Variants in AHCTF1 observed in about 807,000 individuals in gnomAD.
The protein encoded by AHCTF1 is protein ELYS.
In AHCTF1, 24 loss-of-function variants were observed where a neutral mutation model predicts 248.4. The ratio of observed to expected loss-of-function variants is 0.10; its 90% CI spans 0.07 to 0.14. The LOEUF (loss-of-function observed/expected upper bound fraction) is 0.14. Ranked by LOEUF, AHCTF1 falls within the 10% of genes least tolerant of loss-of-function variation. The pLI, the probability that AHCTF1 is intolerant of heterozygous loss-of-function variation, is 1.00. For synonymous variants in AHCTF1, 786 were observed against 929.8 expected, an observed-to-expected ratio of 0.85 and a Z score of 2.81; for missense variants, 2,206 against 2,636.2, an observed-to-expected ratio of 0.84 and a Z score of 3.57.
chr1:246,869,499 C>T (rs1208154792), intron 24 of AHCTF1, among the ~76,000 whole-genome samples: 2 of 152,258 alleles, frequency 1.3e-5, no homozygotes, highest in East Asian at 1.9e-4. Context: ...CAATGCCTGG[C>T]TTCAAAGGAC....
At chr1:246,909,390 C>A (rs1220065641) in intron 4 of AHCTF1, among the ~76,000 whole-genome samples, 1 of 99,924 alleles carries the variant, frequency 1.0e-5, no homozygotes, top group Non-Finnish European at 1.8e-5. Flanking sequence ...GCACTCCAGC[C>A]TCTCAAAAAA....
rs1350334323 is a variant in AHCTF1, at chr1:246,899,509, G to A, written c.1436C>T (p.Ala479Val). ...FFNPSTYNFD[A>V]TCLLNSGVVH... ...AACTCCCGAGTTTAACAAACAAGTG[G>A]CATCTAAAAAAAAGATTTAAAAAAT... Residue 479 changes from alanine (A) to valine (V), a missense_variant, in exon 11 of 36, where the codon GCC (alanine) becomes GTC (valine). Transcript: ENST00000648844. 6.2e-7 allele frequency: 1 copy of A among 1,604,160 alleles called. No homozygotes were observed. Among genetic ancestry groups the A allele is most frequent in the South Asian group, 1.1e-5 (1 of 89,122 alleles).
intron 1 of AHCTF1, among the ~76,000 whole-genome samples, chr1:246,924,995 A>C (rs963491741): frequency 6.6e-6 from 1 of 152,212 alleles, no homozygotes; most frequent in African/African-American, 2.4e-5. Flanking sequence ...GTAGCTTAGT[A>C]CCAAAAAAAT....
chr1:246,902,666 A>G lies in AHCTF1; in HGVS notation c.976T>C (p.Tyr326His). The change falls in exon 8 of 36, where the codon TAC becomes CAC. Residue 326 changes from tyrosine to histidine, a missense_variant. Physicochemically the swap from Tyr to His is moderately conservative, Grantham distance 83. This residue lies in a region of AHCTF1 where 650 missense variants were observed against 870.8 expected (regional missense o/e 0.75). Transcript: ENST00000648844. Reference sequence around the variant, plus strand: ...TCCAGGGTGTATCTTTCTTCACAGTATTCTAACCCCTGTAACATAAAATAC... The same window carrying G: ...TCCAGGGTGTATCTTTCTTCACAGTGTTCTAACCCCTGTAACATAAAATAC... ...SGQILYEGLEYCEERYTLDLT... is the reference protein window; with the variant it reads ...SGQILYEGLEHCEERYTLDLT... 1 of 1,606,546 alleles carries G rather than the reference A, an allele frequency of 6.2e-7. No individual in the cohort carries two copies. Among genetic ancestry groups the G allele is most frequent in the Non-Finnish European group, 8.5e-7 (1 of 1,176,056 alleles).
At chr1:246,879,713 A>C (rs1191863741) in intron 21 of AHCTF1, among the ~76,000 whole-genome samples, 1 of 152,098 alleles carries the variant, frequency 6.6e-6, no homozygotes, top group Admixed American at 6.6e-5. Flanking sequence ...CTGTAATCCC[A>C]GCTACTTGCG....
intron 1 of AHCTF1, among the ~76,000 whole-genome samples, chr1:246,919,058 C>T (rs1451314219): frequency 1.3e-5 from 2 of 151,984 alleles, no homozygotes; most frequent in African/African-American, 4.8e-5. Context: ...GATCAGATTC[C>T]CAGAATGACT....
chr1:246,928,768 A>T (rs147935233), intron 1 of AHCTF1, among the ~76,000 whole-genome samples: 17 of 152,366 alleles, frequency 1.1e-4, no homozygotes, highest in Admixed American at 2.0e-4. Context: ...ACATTTCTAT[A>T]AACCACTTTG....
chr1:246,888,293 C>T lies in AHCTF1; in HGVS notation c.2269-60G>A, dbSNP rs190717664. 1,865 of 1,611,920 alleles carry T rather than the reference C, an allele frequency of 1.2e-3. 31 individuals are homozygous for T. The Admixed American group carries it at 0.024, about 21-fold the overall frequency. On this transcript the variant is annotated intron_variant, in intron 18 of 35. Transcript: ENST00000648844. ...TTATACAGTCATTCATTCATTCATGCTTCTTGTTTTCCCAAGTTTGTGCCA... is the reference window on the plus strand; with the variant it reads ...TTATACAGTCATTCATTCATTCATGTTTCTTGTTTTCCCAAGTTTGTGCCA...
chr1:246,888,112 C>G, intron 19 of AHCTF1, 65 bp downstream of exon 19: 1 of 1,551,070 alleles, frequency 6.4e-7, no homozygotes, highest in Non-Finnish European at 8.8e-7. Flanking sequence ...GTCAGGTTTC[C>G]ACTACTCTTG....
intron 8 of AHCTF1, among the ~76,000 whole-genome samples, chr1:246,900,777 AAC>A (rs1442414412): frequency 6.6e-6 from 1 of 152,264 alleles, no homozygotes; most frequent in African/African-American, 2.4e-5. Flanking sequence ...GATTTGAATG[AAC>A]AGTCTCTCTC....
chr1:246,887,114 G>C, intron 20 of AHCTF1, 97 bp downstream of exon 20: 3 of 1,352,920 alleles, frequency 2.2e-6, no homozygotes, highest in Middle Eastern at 2.7e-4. Context: ...ATTTTTAGTA[G>C]ACTGTATCAT....
chr1:246,863,145 T>C (rs1661697999), intron 27 of AHCTF1, among the ~76,000 whole-genome samples: 1 of 152,080 alleles, frequency 6.6e-6, no homozygotes, highest in African/African-American at 2.4e-5. Flanking sequence ...CTGAATATTT[T>C]AAATTATTGA....
chr1:246,867,600 C>T lies in AHCTF1; in HGVS notation c.3239+61G>A. The T allele has an allele frequency of 3.8e-6, 6 of 1,565,550 alleles. No homozygotes were observed. The South Asian group carries it at 5.8e-5, about 15-fold the overall frequency. On this transcript the variant is annotated intron_variant, in intron 25 of 35. Coordinates refer to ENST00000648844, the MANE Select transcript of AHCTF1 (RefSeq NM_001323342.2). ...AAAGAGAGTGGATTGTTGATGAACG[C>T]TGTTGATGTCCAGTAAAGATTAACA...
intron 24 of AHCTF1, among the ~76,000 whole-genome samples, chr1:246,870,718 A>G (rs188299946): frequency 1.1e-3 from 126 of 118,300 alleles, no homozygotes; most frequent in African/African-American, 5.4e-3. Context: ...GAGGGTATAA[A>G]ACCTCAAAAA....
Position 246,888,277 on chromosome 1 carries a change from C to A in AHCTF1, c.2269-44G>T, listed in dbSNP as rs1158978193. On this transcript the variant is annotated intron_variant, in intron 18 of 35. Coordinates refer to ENST00000648844, the MANE Select transcript of AHCTF1 (RefSeq NM_001323342.2). ...AAACCTTCAGTGGATCTTATACAGT[C>A]ATTCATTCATTCATGCTTCTTGTTT... 3.7e-6 allele frequency: 6 copies of A among 1,608,452 alleles called. No individual in the cohort carries two copies. In the South Asian group the frequency reaches 4.4e-5, roughly 12 times the overall value.
chr1:246,869,411 T>TTAGCC (rs1328564610), intron 24 of AHCTF1, among the ~76,000 whole-genome samples: 1 of 152,182 alleles, frequency 6.6e-6, no homozygotes, highest in Non-Finnish European at 1.5e-5. Flanking sequence ...CTTATGCCAG[T>TTAGCC]TAGCCAAGTT....
At chr1:246,913,604 T>C (rs539689764) in intron 3 of AHCTF1, among the ~76,000 whole-genome samples, 192 bp from the exon 4 acceptor site, 12 of 152,312 alleles carry the variant, frequency 7.9e-5, no homozygotes, top group East Asian at 1.9e-4. Context: ...ACTCAATACA[T>C]AGAAAAATCA....
Position 246,903,763 on chromosome 1 carries a change from G to A in AHCTF1, c.966+186C>T, listed in dbSNP as rs768172996. ...CTGAGGCAGAGAATTGCTTGAATCC[G>A]GGTGGCGGAGGTTGCAGTGAGCCAA... On this transcript the variant is annotated intron_variant, in intron 7 of 35. Coordinates refer to ENST00000648844, the MANE Select transcript of AHCTF1 (RefSeq NM_001323342.2). Among the ~76,000 whole-genome samples, 6 of 150,862 alleles carry A rather than the reference G, an allele frequency of 4.0e-5. No individual in the cohort carries two copies. In the South Asian group the frequency reaches 8.4e-4, roughly 21 times the overall value.
chr1:246,889,944 T>A (rs1044558653), intron 17 of AHCTF1, 22 bp downstream of exon 17: 2 of 1,575,026 alleles, frequency 1.3e-6, no homozygotes, highest in Non-Finnish European at 1.7e-6. Context: ...CAGATGTAAT[T>A]TCTAAAATTG....
Sources: gnomAD v4.1 joint callset for allele counts (sites outside exome capture counted in the v4.1 genomes callset) on GRCh38, gnomAD v4.1.1 for gene constraint, gnomAD v4.1.1 regional missense constraint, MANE v1.5 for transcripts, NCBI Gene and HGNC (gene_info 2026-07-23, HGNC 2026-07-21) for gene names.